TSPAN1: variants seen among roughly 807,000 people sequenced by gnomAD.
TSPAN1 encodes tetraspanin 1.
In TSPAN1, 23 loss-of-function variants were observed where a neutral mutation model predicts 26.9. That is an observed-to-expected ratio of 0.85 (90% CI 0.62 to 1.21). TSPAN1 has a LOEUF of 1.21. Among genes scored for constraint, TSPAN1 ranks in the 50% most tolerant of loss-of-function variants. TSPAN1 has a pLI of 0.00. For missense variants in TSPAN1, 283 were observed against 298.4 expected (o/e 0.95, Z 0.38); for synonymous variants, 115 against 114.8 (o/e 1.00, Z -0.01).
chr1:46,193,151 A>G, the TSPAN1 span: 3 of 1,614,086 alleles, frequency 1.9e-6, no homozygotes, highest in Non-Finnish European at 1.7e-6. Context: ...CCCAGGCCCA[A>G]GAGTTGTATC....
chr1:46,184,476 C>A, intron 4 of TSPAN1, 79 bp downstream of exon 4: 1 of 1,607,206 alleles, frequency 6.2e-7, no homozygotes, highest in South Asian at 1.1e-5. Flanking sequence ...TTCCCAAACC[C>A]TGCTTTGGAC....
At chr1:46,192,750 A>C in the TSPAN1 span, 1 of 1,583,876 alleles carries the variant, frequency 6.3e-7, no homozygotes, top group Admixed American at 1.7e-5. Context: ...TGTACCTTCA[A>C]CAGCAGCCCC....
the TSPAN1 span, chr1:46,193,072 G>A: frequency 1.2e-6 from 2 of 1,603,440 alleles, no homozygotes; most frequent in African/African-American, 2.7e-5. Flanking sequence ...AGATGTGAAG[G>A]ATGAGGCCCA....
At chr1:46,186,156 A>T (rs1178187328), downstream of TSPAN1, among the ~76,000 whole-genome samples, 1 of 152,142 alleles carries the variant, frequency 6.6e-6, no homozygotes, top group Non-Finnish European at 1.5e-5. Flanking sequence ...GGGCATGAAG[A>T]AGTACAGTTG....
chr1:46,184,519 C>CGGGG (rs35321971), intron 4 of TSPAN1, 75 bp from the exon 5 acceptor site: 2 of 1,561,418 alleles, frequency 1.3e-6, no homozygotes, highest in African/African-American at 2.7e-5. Context: ...CTCACTTTTC[C>CGGGG]GGGGGGGGGA....
chr1:46,183,938 C>T (rs561772795), intron 3 of TSPAN1: 5 of 554,082 alleles, frequency 9.0e-6, no homozygotes, highest in African/African-American at 3.8e-5. Flanking sequence ...CCCCTCTGCC[C>T]ACCCTGAGGA....
Position 46,183,721 on chromosome 1 carries a change from T to G in TSPAN1, c.58-470T>G, listed in dbSNP as rs535348154. On this transcript the variant is annotated intron_variant, in intron 3 of 8. Transcript: ENST00000372003. ...TCTCAACCTCCTCCCTCTCCAAGGTTGCCAGCAGGTGGAACCTCAGCCTCG... is the reference window on the plus strand; with the variant it reads ...TCTCAACCTCCTCCCTCTCCAAGGTGGCCAGCAGGTGGAACCTCAGCCTCG... 7.6e-5 allele frequency: 14 copies of G among 183,028 alleles called. No homozygotes were observed. In the South Asian group the frequency reaches 1.6e-3, roughly 21 times the overall value. The allele number at this position is 183,028 out of a possible 1,614,324, so 11.3% of individuals were successfully genotyped here. A position where few individuals can be genotyped will look rare whatever the true frequency, so the allele number is the denominator to read the frequency against.
the TSPAN1 span, chr1:46,193,832 G>C: frequency 6.2e-7 from 1 of 1,613,582 alleles, no homozygotes; most frequent in Non-Finnish European, 8.5e-7. Flanking sequence ...TCAGTGCTGG[G>C]TATAGCCCAT....
chr1:46,190,657 C>T (rs1210280138), downstream of TSPAN1: 38 of 1,553,166 alleles, frequency 2.4e-5, no homozygotes, highest in Middle Eastern at 4.4e-4. Flanking sequence ...TTGGAAGGGA[C>T]TTTCAGGGAC....
chr1:46,176,548 T>C, intron 1 of TSPAN1: 1 of 1,491,264 alleles, frequency 6.7e-7, no homozygotes, highest in Non-Finnish European at 8.9e-7. Flanking sequence ...ACATACAAAG[T>C]CTGCATAAGG....
chr1:46,188,817 C>G, downstream of TSPAN1: 1 of 1,612,898 alleles, frequency 6.2e-7, no homozygotes, highest in Non-Finnish European at 8.5e-7. Context: ...ATGTGGGCCC[C>G]AGCTGGGCCT....
At chr1:46,181,957 G>A (rs994666407) in intron 3 of TSPAN1, among the ~76,000 whole-genome samples, 5 of 152,154 alleles carry the variant, frequency 3.3e-5, no homozygotes, top group Non-Finnish European at 4.4e-5. Context: ...GCCATGAGGC[G>A]TAAATCCTGG....
At chr1:46,192,380 A>G in the TSPAN1 span, 2 of 1,614,078 alleles carry the variant, frequency 1.2e-6, no homozygotes, top group South Asian at 2.2e-5. Context: ...AGCCCAGCCC[A>G]GGCATGGTCT....
chr1:46,192,395 A>G, the TSPAN1 span: 1 of 1,614,132 alleles, frequency 6.2e-7, no homozygotes, highest in East Asian at 2.2e-5. Flanking sequence ...TGGTCTCCAC[A>G]CGGTACAGTA....
At chr1:46,190,989 G>T in the TSPAN1 span, 2 of 576,506 alleles carry the variant, frequency 3.5e-6, no homozygotes, top group South Asian at 3.4e-5. Flanking sequence ...CATTGCTGGA[G>T]AGCTCATGCT....
At chr1:46,189,681 G>C (rs1464915260), downstream of TSPAN1, 22 of 1,543,596 alleles carry the variant, frequency 1.4e-5, no homozygotes, top group South Asian at 2.3e-4. Flanking sequence ...CAATTTGTAA[G>C]AGATAGCATC....
the TSPAN1 span, chr1:46,194,523 C>T: frequency 2.5e-6 from 4 of 1,614,132 alleles, no homozygotes; most frequent in East Asian, 8.9e-5. Flanking sequence ...CAGCCCAGGC[C>T]CTGCCCCATC....
chr1:46,176,143 G>A (rs1483776890), intron 1 of TSPAN1: 56 of 1,470,642 alleles, frequency 3.8e-5, no homozygotes, highest in Middle Eastern at 1.7e-4. Flanking sequence ...CCAAAGTGCC[G>A]GGATTACAGG....
chr1:46,187,576 C>G (rs1306531238), downstream of TSPAN1, among the ~76,000 whole-genome samples: 2 of 152,188 alleles, frequency 1.3e-5, no homozygotes, highest in Non-Finnish European at 2.9e-5. Flanking sequence ...GACCAGGAGC[C>G]TGCTAGGGTG....
Sources: allele counts gnomAD v4.1 joint callset (sites outside exome capture counted in the v4.1 genomes callset), GRCh38; gene constraint gnomAD v4.1.1; transcripts MANE v1.5; gene names NCBI Gene and HGNC (gene_info 2026-07-23, HGNC 2026-07-21).